Variants in FOXN3 observed in about 807,000 individuals in gnomAD.
FOXN3 encodes forkhead box N3.
FOXN3 carries 7 observed loss-of-function variants against 38.4 expected under a neutral mutation model. The observed-to-expected ratio is 0.18, with a 90% confidence interval of 0.10 to 0.34. The LOEUF is 0.34. FOXN3 is among the 10% of genes least tolerant of loss of function. FOXN3 has a pLI of 1.00. For missense variants in FOXN3, 456 were observed against 613.4 expected, an observed-to-expected ratio of 0.74 and a Z score of 2.71; for synonymous variants, 230 against 242.2, an observed-to-expected ratio of 0.95 and a Z score of 0.47.
intron 5 of FOXN3, among the ~76,000 whole-genome samples, chr14:89,172,513 C>T (rs1045142669): frequency 1.3e-5 from 2 of 152,194 alleles, no homozygotes; most frequent in African/African-American, 4.8e-5. Flanking sequence ...GTTTATCAAG[C>T]TGATTATAAA....
Position 89,363,317 on chromosome 14 carries a change from G to A in FOXN3, c.544-12509C>T, listed in dbSNP as rs540366296. ...CCCCTGCATGGGGTCCAAGTTCCCA[G>A]GGTCATGTGTCTCTTTCAAGATCAT... On this transcript the variant is annotated intron_variant, in intron 2 of 5. Transcript: ENST00000557258. Among the ~76,000 whole-genome samples the A allele has an allele frequency of 2.6e-5, 4 of 152,176 alleles. No homozygotes were observed. The East Asian group carries it at 7.7e-4, about 29-fold the overall frequency.
intron 1 of FOXN3, among the ~76,000 whole-genome samples, chr14:89,522,221 G>C (rs1894335277): frequency 6.6e-6 from 1 of 151,992 alleles, no homozygotes; most frequent in Non-Finnish European, 1.5e-5. Flanking sequence ...GAAACAAAAT[G>C]AAATAAAGGC....
At chr14:89,442,463 C>G (rs142884269) in intron 1 of FOXN3, among the ~76,000 whole-genome samples, 1 of 152,298 alleles carries the variant, frequency 6.6e-6, no homozygotes. Flanking sequence ...ATGCTGAGGT[C>G]TCCTATAACT....
At chr14:89,249,397 T>G (rs1885388596) in intron 4 of FOXN3, among the ~76,000 whole-genome samples, 1 of 152,194 alleles carries the variant, frequency 6.6e-6, no homozygotes, top group Non-Finnish European at 1.5e-5. Flanking sequence ...GCAGCCACTG[T>G]CAGGTAAAGA....
intron 1 of FOXN3, among the ~76,000 whole-genome samples, chr14:89,609,906 C>T (rs915704162): frequency 6.6e-6 from 1 of 151,974 alleles, no homozygotes; most frequent in Non-Finnish European, 1.5e-5. Context: ...GGGGCGGCGG[C>T]GGCTGGCGGT....
chr14:89,519,031 A>G (rs989160894), intron 1 of FOXN3, among the ~76,000 whole-genome samples: 2 of 152,128 alleles, frequency 1.3e-5, no homozygotes, highest in Non-Finnish European at 2.9e-5. Flanking sequence ...ACAAAAAAAG[A>G]GAATAAGTTC....
At chr14:89,256,422 C>T (rs188977710) in intron 4 of FOXN3, among the ~76,000 whole-genome samples, 6 of 152,170 alleles carry the variant, frequency 3.9e-5, no homozygotes, top group African/African-American at 9.7e-5. Flanking sequence ...CCTACGGTCA[C>T]GCCACATTCC....
At chr14:89,500,820 G>C (rs1893783273) in intron 1 of FOXN3, among the ~76,000 whole-genome samples, 2 of 152,332 alleles carry the variant, frequency 1.3e-5, no homozygotes, top group South Asian at 4.1e-4. Flanking sequence ...TCCCAGAGGA[G>C]AGAACTTGAC....
intron 1 of FOXN3, among the ~76,000 whole-genome samples, chr14:89,532,877 A>C (rs957299369): frequency 2.0e-5 from 3 of 152,386 alleles, no homozygotes; most frequent in Admixed American, 2.0e-4. Flanking sequence ...ATAGCTATAC[A>C]TGTAGGTAAC....
intron 3 of FOXN3, among the ~76,000 whole-genome samples, chr14:89,338,029 T>A (rs3825667): frequency 0.71 from 108,415 of 152,082 alleles, 40,448 homozygotes; most frequent in East Asian, 0.84. Flanking sequence ...TTTCTATCCC[T>A]GGGCAGCCTG....
intron 1 of FOXN3, among the ~76,000 whole-genome samples, chr14:89,538,867 G>T (rs553287396): frequency 6.6e-6 from 1 of 151,258 alleles, no homozygotes; most frequent in Non-Finnish European, 1.5e-5. Context: ...TTTTTGAGAC[G>T]GAGTCTCACT....
intron 3 of FOXN3, among the ~76,000 whole-genome samples, chr14:89,317,715 T>TAGA (rs1180734921): frequency 2.0e-5 from 3 of 151,720 alleles, no homozygotes; most frequent in African/African-American, 7.3e-5. Flanking sequence ...TCCCCCCCCA[T>TAGA]AGAAATCCCT....
intron 3 of FOXN3, among the ~76,000 whole-genome samples, chr14:89,316,761 G>A (rs1191031595): frequency 6.6e-6 from 1 of 151,740 alleles, no homozygotes; most frequent in Non-Finnish European, 1.5e-5. Flanking sequence ...CACCTCCCAG[G>A]TTCAAGTGAT....
At position 89,279,170 on chromosome 14, in the gene FOXN3, G is replaced by A. The variant is rs558716593; in HGVS notation, c.745+1780C>T. The stretch of plus-strand genomic sequence containing the variant: ...ATCAAGATTCTTCTGATTTTCAAAT[G>A]TACAAAATTTTAATGGGTTGCATTT... On this transcript the variant is annotated intron_variant, in intron 4 of 5. Transcript: ENST00000557258. 1.5e-4 allele frequency among the ~76,000 whole-genome samples: 23 copies of A among 152,230 alleles called. No homozygotes were observed. In the East Asian group the frequency reaches 4.1e-3, roughly 27 times the overall value.
At chr14:89,243,399 G>T (rs902866520) in intron 4 of FOXN3, among the ~76,000 whole-genome samples, 1 of 151,974 alleles carries the variant, frequency 6.6e-6, no homozygotes, top group African/African-American at 2.4e-5. Context: ...TTCAGGATGC[G>T]CCTGCCCGAT....
At chr14:89,275,552 C>T (rs967481970) in intron 4 of FOXN3, among the ~76,000 whole-genome samples, 1 of 152,176 alleles carries the variant, frequency 6.6e-6, no homozygotes, top group Non-Finnish European at 1.5e-5. Flanking sequence ...AGTGTTCCTT[C>T]CACTATAACT....
At chr14:89,297,432 C>T (rs150241304) in intron 3 of FOXN3, among the ~76,000 whole-genome samples, 2,083 of 151,968 alleles carry the variant, frequency 0.014, 42 homozygotes, top group African/African-American at 0.047. Context: ...TGGTGGCGGG[C>T]GCCTGTAGTC....
chr14:89,372,191 C>T (rs903087730), intron 2 of FOXN3, among the ~76,000 whole-genome samples: 4 of 151,832 alleles, frequency 2.6e-5, no homozygotes, highest in Admixed American at 1.3e-4. Context: ...TAAAGGATAG[C>T]AATCAGGCAG....
intron 2 of FOXN3, among the ~76,000 whole-genome samples, chr14:89,365,112 C>CAAA (rs2140048966): frequency 6.6e-6 from 1 of 152,254 alleles, no homozygotes; most frequent in Non-Finnish European, 1.5e-5. Context: ...CGAGCTTCCG[C>CAAA]TTTGCAGGAA....
Sources: gnomAD v4.1 joint callset for allele counts (sites outside exome capture counted in the v4.1 genomes callset) on GRCh38, gnomAD v4.1.1 for gene constraint, MANE v1.5 for transcripts, NCBI Gene and HGNC (gene_info 2026-07-23, HGNC 2026-07-21) for gene names.